The following ASIC2 variants were observed in gnomAD, a reference collection of about 807,000 sequenced individuals.
ASIC2 encodes acid-sensing ion channel 2.
ASIC2 carries 25 observed loss-of-function variants against 57.3 expected under a neutral mutation model. The observed-to-expected ratio is 0.44, with a 90% CI of 0.32 to 0.61. The LOEUF (loss-of-function observed/expected upper bound fraction) is 0.61. Among genes scored for constraint, ASIC2 ranks in the 20% least tolerant of loss-of-function variants. The pLI, the probability that ASIC2 is intolerant of heterozygous loss-of-function variation, is 0.06. For synonymous variants in ASIC2, 319 were observed against 307.5 expected (o/e 1.04, Z -0.39); for missense variants, 641 against 738.1 (o/e 0.87, Z 1.52).
chr17:33,799,863 G>A (rs1041767044), intron 1 of ASIC2, among the ~76,000 whole-genome samples: 3 of 152,148 alleles, frequency 2.0e-5, no homozygotes, highest in African/African-American at 7.2e-5. Context: ...TATACAACCT[G>A]CACGGCCAAC....
intron 1 of ASIC2, among the ~76,000 whole-genome samples, chr17:33,551,210 C>T (rs1915742288): frequency 6.6e-6 from 1 of 152,130 alleles, no homozygotes; most frequent in African/African-American, 2.4e-5. Context: ...GTATGCTGAT[C>T]TAGCATTATG....
At chr17:33,727,293 C>A (rs1294237421) in intron 1 of ASIC2, among the ~76,000 whole-genome samples, 1 of 152,050 alleles carries the variant, frequency 6.6e-6, no homozygotes, top group Non-Finnish European at 1.5e-5. Context: ...ACACAGGATC[C>A]CATGTCTATA....
At chr17:33,500,044 A>G (rs1239231494) in intron 1 of ASIC2, among the ~76,000 whole-genome samples, 1 of 152,182 alleles carries the variant, frequency 6.6e-6, no homozygotes, top group Non-Finnish European at 1.5e-5. Flanking sequence ...TTTAATTAAA[A>G]AAAAAGAAAA....
intron 1 of ASIC2, among the ~76,000 whole-genome samples, chr17:33,778,037 G>C (rs1215459521): frequency 6.6e-6 from 1 of 152,154 alleles, no homozygotes; most frequent in African/African-American, 2.4e-5. Flanking sequence ...CCTTCCGCTG[G>C]GAAATAGGAG....
intron 1 of ASIC2, among the ~76,000 whole-genome samples, chr17:33,750,818 A>G (rs1177774066): frequency 6.6e-6 from 1 of 152,170 alleles, no homozygotes; most frequent in Non-Finnish European, 1.5e-5. Flanking sequence ...ACACCCAACC[A>G]GAAGCTTAAG....
At chr17:33,909,468 A>G (rs1236543567) in intron 1 of ASIC2, among the ~76,000 whole-genome samples, 1 of 152,212 alleles carries the variant, frequency 6.6e-6, no homozygotes, top group African/African-American at 2.4e-5. Context: ...AGAAAGCGGG[A>G]AGAAGATAGC....
At chr17:33,521,373 G>A (rs921099615) in intron 1 of ASIC2, among the ~76,000 whole-genome samples, 1 of 152,210 alleles carries the variant, frequency 6.6e-6, no homozygotes, top group Non-Finnish European at 1.5e-5. Context: ...GGCCAGCCTT[G>A]CTGACAGTTA....
intron 1 of ASIC2, among the ~76,000 whole-genome samples, chr17:33,842,795 GA>G (rs768698577): frequency 6.6e-6 from 1 of 152,206 alleles, no homozygotes; most frequent in Non-Finnish European, 1.5e-5. Context: ...CAGAGGAGAA[GA>G]AGGATGGCCC....
intron 1 of ASIC2, among the ~76,000 whole-genome samples, chr17:33,968,868 A>G (rs772793224): frequency 2.6e-5 from 4 of 152,254 alleles, no homozygotes; most frequent in Non-Finnish European, 4.4e-5. Context: ...CCTGCCCCAC[A>G]GGATGCCAAC....
chr17:34,069,330 T>C (rs1909303256), intron 1 of ASIC2: 1 of 42,752 alleles, frequency 2.3e-5, no homozygotes, highest in Non-Finnish European at 1.1e-4. Flanking sequence ...TTCCTCTCTT[T>C]CTTTTTCTTT....
At chr17:33,913,599 G>T (rs1439865021) in intron 1 of ASIC2, among the ~76,000 whole-genome samples, 5 of 152,116 alleles carry the variant, frequency 3.3e-5, no homozygotes, top group African/African-American at 1.2e-4. Flanking sequence ...TCTCTAAAAT[G>T]AATCTGAAAC....
chr17:33,781,094 G>T (rs1911438582), intron 1 of ASIC2, among the ~76,000 whole-genome samples: 1 of 152,176 alleles, frequency 6.6e-6, no homozygotes, highest in Non-Finnish European at 1.5e-5. Context: ...GCCATCACTG[G>T]GTTGGTGTGG....
chr17:33,356,210 T>C (rs989357882), intron 1 of ASIC2, among the ~76,000 whole-genome samples: 1 of 152,150 alleles, frequency 6.6e-6, no homozygotes, highest in South Asian at 2.1e-4. Flanking sequence ...GGCCTGATTA[T>C]AGAAAGTGCT....
intron 1 of ASIC2, among the ~76,000 whole-genome samples, chr17:33,269,475 C>G (rs971673761): frequency 3.2e-4 from 48 of 152,298 alleles, no homozygotes; most frequent in African/African-American, 1.1e-3. Flanking sequence ...GATCATCACC[C>G]TCCTCCATCC....
intron 1 of ASIC2, among the ~76,000 whole-genome samples, chr17:33,390,556 G>A (rs1042971404): frequency 6.6e-6 from 1 of 152,106 alleles, no homozygotes; most frequent in African/African-American, 2.4e-5. Context: ...CTGCCTCAAG[G>A]TCTCTCACAA....
chr17:33,700,144 C>T (rs1299558295), intron 1 of ASIC2, among the ~76,000 whole-genome samples: 3 of 152,164 alleles, frequency 2.0e-5, no homozygotes, highest in African/African-American at 7.2e-5. Flanking sequence ...AGAATTGGAA[C>T]TGAGATCCCA....
At chr17:33,107,015 C>T (rs944919491) in intron 2 of ASIC2, among the ~76,000 whole-genome samples, 1 of 152,196 alleles carries the variant, frequency 6.6e-6, no homozygotes, top group Non-Finnish European at 1.5e-5. Context: ...GTTGTCGAAG[C>T]TTGCCTTGGA....
intron 1 of ASIC2, among the ~76,000 whole-genome samples, chr17:33,713,422 A>C (rs1909115271): frequency 6.6e-6 from 1 of 152,162 alleles, no homozygotes; most frequent in Non-Finnish European, 1.5e-5. Context: ...AATCTTTGGT[A>C]ATCTGTGCAG....
intron 1 of ASIC2, among the ~76,000 whole-genome samples, chr17:33,246,595 CT>C (rs1378317951): frequency 6.6e-6 from 1 of 152,204 alleles, no homozygotes; most frequent in Non-Finnish European, 1.5e-5. Context: ...GGGTTCACCC[CT>C]GCTCAGGAGG....
Sources: allele counts gnomAD v4.1 joint callset (sites outside exome capture counted in the v4.1 genomes callset), GRCh38; gene constraint gnomAD v4.1.1; transcripts MANE v1.5; gene names NCBI Gene and HGNC (gene_info 2026-07-23, HGNC 2026-07-21).